Variants in KATNIP observed in about 807,000 individuals in gnomAD.
KATNIP encodes katanin interacting protein.
A neutral mutation model predicts 174.0 loss-of-function variants in KATNIP; 126 were observed. The ratio of observed to expected loss-of-function variants is 0.72; its 90% CI spans 0.63 to 0.84. KATNIP has a LOEUF of 0.84. KATNIP is among the 40% of genes least tolerant of loss of function. KATNIP has a pLI of 0.00. For missense variants in KATNIP, 1,958 were observed against 2,109.7 expected (o/e 0.93, Z 1.41); for synonymous variants, 810 against 835.7 (o/e 0.97, Z 0.53).
chr16:27,749,784 A>G lies in KATNIP; in HGVS notation c.2824A>G (p.Lys942Glu), dbSNP rs759143750. 1.2e-6 allele frequency: 2 copies of G among 1,610,138 alleles called. No individual in the cohort carries two copies. The highest frequency in any genetic ancestry group is 4.5e-5 in the East Asian group (2 of 44,802). Reference sequence around the variant, plus strand: ...CCGGCACAGCGACTTGCCCCCCTCCAAGAAGGGGGAGCAGCCAGGGCTGTC... The same window carrying G: ...CCGGCACAGCGACTTGCCCCCCTCCGAGAAGGGGGAGCAGCCAGGGCTGTC... ...SSRHSDLPPS[K>E]KGEQPGLSRG... The change falls in exon 16 of 28, where the codon AAG becomes GAG. Residue 942 changes from lysine (K) to glutamate (E), a missense_variant. Lys to Glu is a moderately conservative substitution (Grantham distance 56, BLOSUM62 1). Transcript: ENST00000261588.
In KATNIP at chr16:27,618,469, T is replaced by A. The variant is rs753785497; in HGVS notation, c.108T>A (p.Asp36Glu). 1.2e-6 allele frequency: 2 copies of A among 1,613,642 alleles called. No homozygotes were observed. The highest frequency in any genetic ancestry group is 1.7e-5 in the Admixed American group (1 of 60,010). The change falls in exon 3 of 28, where the codon GAT becomes GAA. Residue 36 changes from aspartate to glutamate, a missense_variant. Around this residue, in one of 3 missense-constraint regions of KATNIP, gnomAD observed 1,557 missense variants for 1,617.8 expected, o/e 0.96. Transcript: ENST00000261588. ...TGACAGACTTTGATGAGAAACATGA[T>A]GAGTATTTAATATTGCTTCAGCAGA... ...DMVTDFDEKH[D>E]EYLILLQQRN...
At chr16:27,752,549 A>G (rs543079071) in intron 17 of KATNIP, among the ~76,000 whole-genome samples, 1 of 152,278 alleles carries the variant, frequency 6.6e-6, no homozygotes, top group East Asian at 1.9e-4. Flanking sequence ...TAAGCAACTT[A>G]TTATTTTTTT....
Position 27,780,128 on chromosome 16 carries a change from C to T in KATNIP, c.*1499C>T, listed in dbSNP as rs1453846111. 3 of 152,086 alleles carry T rather than the reference C, an allele frequency of 2.0e-5. No individual in the cohort carries two copies. The highest frequency in any genetic ancestry group is 2.9e-5 in the Non-Finnish European group (2 of 68,042). The allele number at this position is 152,086 out of a possible 1,614,324, so 9.4% of individuals were successfully genotyped here. A position where few individuals can be genotyped will look rare whatever the true frequency, so the allele number is the denominator to read the frequency against. On this transcript the variant is annotated 3_prime_UTR_variant, in exon 28 of 28. Transcript: ENST00000261588. ...CAGCTCTTGTGACCCAAACCAGTGC[C>T]GCTGCATTAAAGGGAGGCCCAGCTA...
chr16:27,645,980 A>C (rs1195179268), intron 5 of KATNIP, among the ~76,000 whole-genome samples: 3 of 152,224 alleles, frequency 2.0e-5, no homozygotes, highest in Admixed American at 2.0e-4. Flanking sequence ...CCAGGTAGGC[A>C]GAGAGCATTG....
chr16:27,751,307 C>T (rs1218618636), intron 16 of KATNIP, among the ~76,000 whole-genome samples: 4 of 152,090 alleles, frequency 2.6e-5, no homozygotes, highest in African/African-American at 7.2e-5. Flanking sequence ...AGGAGCAGGG[C>T]GTTAGAACCC....
chr16:27,655,496 T>G (rs560271215), intron 6 of KATNIP, among the ~76,000 whole-genome samples: 2 of 151,878 alleles, frequency 1.3e-5, no homozygotes, highest in Middle Eastern at 6.8e-3. Context: ...GTGATCCTCC[T>G]GCCTCAACCT....
chr16:27,658,943 T>C lies in KATNIP; in HGVS notation c.540+10208T>C, dbSNP rs76380573. Among the ~76,000 whole-genome samples, 513 of 151,644 alleles carry C rather than the reference T, an allele frequency of 3.4e-3. 22 individuals are homozygous for C. In the East Asian group the frequency reaches 0.083, roughly 25 times the overall value. ...ATGCCCAGCTAATTTTTTTTTTTTT[T>C]CCCAGTAGAGACGGGGTTTCACCAT... On this transcript the variant is annotated intron_variant, in intron 6 of 27. Transcript: ENST00000261588.
intron 2 of KATNIP, among the ~76,000 whole-genome samples, chr16:27,608,407 T>TC (rs1197445253): frequency 5.5e-4 from 79 of 144,586 alleles, no homozygotes; most frequent in Admixed American, 2.2e-3. Flanking sequence ...ATCTTTTTTT[T>TC]TTTTTTTTTT....
chr16:27,730,392 C>A (rs754570974), intron 14 of KATNIP, among the ~76,000 whole-genome samples: 1 of 152,140 alleles, frequency 6.6e-6, no homozygotes, highest in Non-Finnish European at 1.5e-5. Flanking sequence ...TGAGTCACAG[C>A]GACACCATTG....
chr16:27,572,858 T>C (rs2090359124), intron 1 of KATNIP, among the ~76,000 whole-genome samples: 1 of 152,220 alleles, frequency 6.6e-6, no homozygotes, highest in African/African-American at 2.4e-5. Flanking sequence ...TTTTACACAT[T>C]GGCCTTAGAG....
At chr16:27,556,104 G>A (rs1055511961) in intron 1 of KATNIP, among the ~76,000 whole-genome samples, 2 of 151,620 alleles carry the variant, frequency 1.3e-5, no homozygotes, top group African/African-American at 4.9e-5. Flanking sequence ...TCTAGCCTGG[G>A]CCAGTGAGTG....
Position 27,697,160 on chromosome 16 carries a change from G to C in KATNIP, c.941-1168G>C, listed in dbSNP as rs190053103. On this transcript the variant is annotated intron_variant, in intron 8 of 27. Coordinates refer to ENST00000261588, the MANE Select transcript of KATNIP (RefSeq NM_015202.5). Reference sequence around the variant, plus strand: ...TGGTAGGATGATTTATATTCCTTTGGGTATATACCTAGTAATGAGATTGCT... The same window carrying C: ...TGGTAGGATGATTTATATTCCTTTGCGTATATACCTAGTAATGAGATTGCT... Among the ~76,000 whole-genome samples the C allele has an allele frequency of 1.2e-4, 19 of 152,134 alleles. No individual in the cohort carries two copies. The East Asian group carries it at 2.9e-3, about 23-fold the overall frequency.
intron 6 of KATNIP, among the ~76,000 whole-genome samples, chr16:27,649,968 G>A (rs909722061): frequency 6.6e-6 from 1 of 152,166 alleles, no homozygotes; most frequent in Non-Finnish European, 1.5e-5. Context: ...CTGAGATCAG[G>A]AGTTCAAGAC....
intron 5 of KATNIP, among the ~76,000 whole-genome samples, chr16:27,641,688 G>A (rs377639061): frequency 3.3e-4 from 50 of 152,340 alleles, no homozygotes; most frequent in African/African-American, 1.1e-3. Context: ...TTGAATGTGC[G>A]TGCGTGTAAA....
At chr16:27,591,168 G>A (rs546438787) in intron 2 of KATNIP, among the ~76,000 whole-genome samples, 32 of 152,004 alleles carry the variant, frequency 2.1e-4, no homozygotes, top group African/African-American at 7.7e-4. Context: ...TAGAATATAG[G>A]AATGGAGTTG....
intron 13 of KATNIP, among the ~76,000 whole-genome samples, chr16:27,715,381 T>C (rs150473677): frequency 6.6e-6 from 1 of 152,298 alleles, no homozygotes; most frequent in East Asian, 1.9e-4. Context: ...AATTTGTCAA[T>C]GAAGTCTTAG....
At chr16:27,697,275 G>A (rs2078946081) in intron 8 of KATNIP, among the ~76,000 whole-genome samples, 1 of 152,146 alleles carries the variant, frequency 6.6e-6, no homozygotes, top group Admixed American at 6.6e-5. Flanking sequence ...CCCACCAGCA[G>A]TGTATAAGCA....
At chr16:27,654,586 A>T (rs754969390) in intron 6 of KATNIP, 1 of 1,351,942 alleles carries the variant, frequency 7.4e-7, no homozygotes, top group Non-Finnish European at 9.8e-7. Context: ...TACCATGCCC[A>T]GTTTTCTGTG....
At chr16:27,746,858 A>G (rs558931769) in intron 15 of KATNIP, among the ~76,000 whole-genome samples, 2 of 152,302 alleles carry the variant, frequency 1.3e-5, no homozygotes, top group African/African-American at 4.8e-5. Context: ...GGCTGTGGGC[A>G]TGGTAAGAGT....
Sources: allele counts gnomAD v4.1 joint callset (sites outside exome capture counted in the v4.1 genomes callset), GRCh38; gene constraint gnomAD v4.1.1; regional missense constraint gnomAD v4.1.1; transcripts MANE v1.5; gene names NCBI Gene and HGNC (gene_info 2026-07-23, HGNC 2026-07-21).